Variants in BBS9 observed in about 807,000 individuals in gnomAD.
BBS9 encodes Bardet-Biedl syndrome 9.
A neutral mutation model predicts 117.7 loss-of-function variants in BBS9; 89 were observed. The ratio of observed to expected loss-of-function variants is 0.76; its 90% CI spans 0.64 to 0.90. The LOEUF (loss-of-function observed/expected upper bound fraction) is 0.90, where lower values mean the gene tolerates loss of function less well. Ranked by LOEUF, BBS9 falls within the 40% of genes least tolerant of loss-of-function variation. The probability of loss-of-function intolerance (pLI) is 0.00; values close to 1 mark genes in which losing one functional copy is unlikely to be tolerated. For synonymous variants in BBS9, 379 were observed against 370.9 expected (o/e 1.02, Z -0.25); for missense variants, 982 against 1,042.2 (o/e 0.94, Z 0.80).
chr7:33,580,352 G>A (rs1411430110), intron 21 of BBS9, among the ~76,000 whole-genome samples: 4 of 151,634 alleles, frequency 2.6e-5, no homozygotes, highest in African/African-American at 9.7e-5. Flanking sequence ...TTGTTTTTCA[G>A]GGACAATGGG....
intron 5 of BBS9, among the ~76,000 whole-genome samples, chr7:33,189,764 T>C (rs1324466480): frequency 4.0e-5 from 6 of 151,462 alleles, no homozygotes; most frequent in African/African-American, 9.7e-5. Flanking sequence ...CATGTGCCTG[T>C]AGTCCCAGCT....
At chr7:33,586,021 T>C (rs1860826517) in intron 21 of BBS9, among the ~76,000 whole-genome samples, 1 of 152,068 alleles carries the variant, frequency 6.6e-6, no homozygotes, top group Non-Finnish European at 1.5e-5. Flanking sequence ...TGATGCCTTA[T>C]ATAAGGTTTT....
intron 9 of BBS9, chr7:33,276,785 C>T (rs1179402719): frequency 6.6e-6 from 1 of 152,544 alleles, no homozygotes; most frequent in Non-Finnish European, 1.5e-5. Flanking sequence ...CAACAGCCTT[C>T]CTGTGAGGAA....
chr7:33,383,569 T>A, intron 17 of BBS9, 97 bp from the exon 18 acceptor site: 1 of 1,104,668 alleles, frequency 9.1e-7, no homozygotes, highest in South Asian at 1.4e-5. Flanking sequence ...AAAAATGAAA[T>A]CTTTGAACTT....
chr7:33,630,983 C>A (rs754856618), intron 21 of BBS9, among the ~76,000 whole-genome samples: 1 of 152,152 alleles, frequency 6.6e-6, no homozygotes, highest in Non-Finnish European at 1.5e-5. Context: ...CAATGAATTC[C>A]ATAGATAACT....
chr7:33,424,474 G>C (rs1422058290), intron 19 of BBS9, among the ~76,000 whole-genome samples: 1 of 152,076 alleles, frequency 6.6e-6, no homozygotes, highest in East Asian at 1.9e-4. Flanking sequence ...TTTTTAAAAG[G>C]TTCCCTGGTG....
At chr7:33,453,410 A>T (rs1337507636) in intron 19 of BBS9, among the ~76,000 whole-genome samples, 1 of 152,070 alleles carries the variant, frequency 6.6e-6, no homozygotes, top group African/African-American at 2.4e-5. Flanking sequence ...AGACAGTAAA[A>T]CCAGCTCCTC....
intron 16 of BBS9, among the ~76,000 whole-genome samples, chr7:33,362,159 C>G (rs1400783274): frequency 6.6e-6 from 1 of 151,986 alleles, no homozygotes; most frequent in Non-Finnish European, 1.5e-5. Flanking sequence ...TTTCATTTGT[C>G]TTCTTTTGCT....
intron 21 of BBS9, among the ~76,000 whole-genome samples, chr7:33,534,797 A>G (rs1563320469): frequency 6.6e-6 from 1 of 152,026 alleles, no homozygotes; most frequent in Non-Finnish European, 1.5e-5. Flanking sequence ...TGCAGCCCTC[A>G]GGTCTCTTAG....
At chr7:33,540,402 C>T (rs1055587342) in intron 21 of BBS9, among the ~76,000 whole-genome samples, 34 of 152,152 alleles carry the variant, frequency 2.2e-4, no homozygotes, top group Middle Eastern at 3.2e-3. Flanking sequence ...AGGCAATAAA[C>T]AGAAGACTGA....
chr7:33,213,671 T>C (rs927132746), intron 5 of BBS9, among the ~76,000 whole-genome samples: 1 of 152,208 alleles, frequency 6.6e-6, no homozygotes, highest in Non-Finnish European at 1.5e-5. Context: ...TATTCAGGGC[T>C]CAGGGGCTCT....
At chr7:33,376,789 A>C (rs1453709704) in intron 17 of BBS9, among the ~76,000 whole-genome samples, 2 of 152,150 alleles carry the variant, frequency 1.3e-5, no homozygotes, top group African/African-American at 4.8e-5. Context: ...GAATTTCTCT[A>C]ATGATCAGTG....
chr7:33,396,890 A>G (rs1279389745), intron 19 of BBS9, among the ~76,000 whole-genome samples: 1 of 152,196 alleles, frequency 6.6e-6, no homozygotes, highest in Non-Finnish European at 1.5e-5. Flanking sequence ...CCTGACAAAA[A>G]CAATCAGTGG....
chr7:33,567,968 T>G (rs968604854), intron 21 of BBS9, among the ~76,000 whole-genome samples: 1 of 152,224 alleles, frequency 6.6e-6, no homozygotes, highest in Non-Finnish European at 1.5e-5. Context: ...CTACATTTGC[T>G]TTGTTGCAGC....
chr7:33,410,732 CAG>C (rs1830965512), intron 19 of BBS9, among the ~76,000 whole-genome samples: 3 of 152,078 alleles, frequency 2.0e-5, no homozygotes, highest in Non-Finnish European at 4.4e-5. Flanking sequence ...ATATAAAAGC[CAG>C]TTTGTCTGGC....
At chr7:33,569,443 A>G (rs1857417295) in intron 21 of BBS9, among the ~76,000 whole-genome samples, 2 of 152,070 alleles carry the variant, frequency 1.3e-5, no homozygotes, top group South Asian at 4.1e-4. Context: ...ATATATATAT[A>G]TGCAGATATA....
chr7:33,160,945 A>G (rs1794747890), intron 4 of BBS9, among the ~76,000 whole-genome samples: 1 of 152,174 alleles, frequency 6.6e-6, no homozygotes, highest in South Asian at 2.1e-4. Context: ...TTATACAACC[A>G]GAAGACATGC....
chr7:33,283,069 A>G (rs1802211356), intron 9 of BBS9, among the ~76,000 whole-genome samples: 1 of 152,174 alleles, frequency 6.6e-6, no homozygotes, highest in Admixed American at 6.5e-5. Context: ...AATGGAGTCA[A>G]AGCTTACCAC....
intron 2 of BBS9, among the ~76,000 whole-genome samples, chr7:33,151,256 GAAAA>G (rs879591909): frequency 3.7e-4 from 53 of 143,346 alleles, no homozygotes; most frequent in Non-Finnish European, 6.1e-4. Flanking sequence ...TGTCTCAAAG[GAAAA>G]AAAAAAAGAA....
Sources: allele counts gnomAD v4.1 joint callset (sites outside exome capture counted in the v4.1 genomes callset), GRCh38; gene constraint gnomAD v4.1.1; transcripts MANE v1.5; gene names NCBI Gene and HGNC (gene_info 2026-07-23, HGNC 2026-07-21).